Variants in SPOCK3 observed in about 807,000 individuals in gnomAD.
SPOCK3 encodes the protein SPARC (osteonectin), cwcv and kazal like domains proteoglycan 3, also known as testican-3.
SPOCK3 carries 30 observed loss-of-function variants against 56.6 expected under a neutral mutation model. The ratio of observed to expected loss-of-function variants is 0.53; its 90% confidence interval spans 0.40 to 0.72. The LOEUF (loss-of-function observed/expected upper bound fraction) is 0.72, where lower values mean the gene tolerates loss of function less well. Ranked by LOEUF, SPOCK3 falls within the 30% of genes least tolerant of loss-of-function variation. SPOCK3 has a pLI of 0.00. For synonymous variants in SPOCK3, 196 were observed against 183.3 expected, an observed-to-expected ratio of 1.07 and a Z score of -0.56; for missense variants, 527 against 530.0, an observed-to-expected ratio of 0.99 and a Z score of 0.06.
chr4:166,776,399 G>A (rs1739552352), intron 7 of SPOCK3, among the ~76,000 whole-genome samples: 1 of 152,008 alleles, frequency 6.6e-6, no homozygotes, highest in African/African-American at 2.4e-5. Context: ...GTGACAGAGT[G>A]AGACTCCATC....
At chr4:167,084,784 A>C (rs1758036979) in intron 2 of SPOCK3, among the ~76,000 whole-genome samples, 1 of 226 alleles carries the variant, frequency 4.4e-3, no homozygotes, top group African/African-American at 5.7e-3. Context: ...AATAACCATC[A>C]AGAATAATAT....
At chr4:166,742,270 T>TATCTATCTATC (rs1734953048) in intron 8 of SPOCK3, among the ~76,000 whole-genome samples, 1 of 150,662 alleles carries the variant, frequency 6.6e-6, no homozygotes, top group African/African-American at 2.5e-5. Context: ...TCTATCTATC[T>TATCTATCTATC]ATCTATCTAA....
intron 6 of SPOCK3, among the ~76,000 whole-genome samples, chr4:166,811,816 T>C (rs547528448): frequency 6.6e-6 from 1 of 152,072 alleles, no homozygotes; most frequent in East Asian, 1.9e-4. Context: ...CAATCAAATT[T>C]TAGTTTTGAA....
At chr4:166,763,335 C>A (rs963876905) in intron 7 of SPOCK3, among the ~76,000 whole-genome samples, 1 of 151,800 alleles carries the variant, frequency 6.6e-6, no homozygotes, top group African/African-American at 2.4e-5. Context: ...AAAAGAAAGA[C>A]CTTCTAAAAA....
At chr4:166,951,579 T>G (rs1354059167) in intron 4 of SPOCK3, among the ~76,000 whole-genome samples, 4 of 136,004 alleles carry the variant, frequency 2.9e-5, no homozygotes, top group Non-Finnish European at 4.7e-5. Flanking sequence ...CTAACTCATT[T>G]TATGAGGCCA....
At position 166,749,740 on chromosome 4, in the gene SPOCK3, C is replaced by T. The variant is rs142280277; in HGVS notation, c.931+4768G>A. Reference sequence around the variant, plus strand: ...GTTCTATTTCATTTTGAAATTGATCCAATTGATCCCTTTGTTATTCCTGAT... The same window carrying T: ...GTTCTATTTCATTTTGAAATTGATCTAATTGATCCCTTTGTTATTCCTGAT... On this transcript the variant is annotated intron_variant, in intron 8 of 10. Transcript: ENST00000357545. Among the ~76,000 whole-genome samples, 815 of 151,916 alleles carry T rather than the reference C, an allele frequency of 5.4e-3. 32 individuals are homozygous for T. Among genetic ancestry groups the T allele is most frequent in the Non-Finnish European group, 1.2e-3 (79 of 67,934 alleles).
At chr4:166,796,600 G>C (rs908615828) in intron 6 of SPOCK3, among the ~76,000 whole-genome samples, 3 of 152,038 alleles carry the variant, frequency 2.0e-5, no homozygotes, top group Non-Finnish European at 2.9e-5. Flanking sequence ...TATAGGTATT[G>C]GTGATTTAAA....
intron 6 of SPOCK3, among the ~76,000 whole-genome samples, chr4:166,831,372 A>C (rs1437480085): frequency 6.6e-6 from 1 of 152,030 alleles, no homozygotes; most frequent in East Asian, 1.9e-4. Flanking sequence ...TTTTTTCTTA[A>C]ATGTCTGTTA....
intron 7 of SPOCK3, among the ~76,000 whole-genome samples, chr4:166,775,328 C>A (rs1739407866): frequency 6.6e-6 from 1 of 152,130 alleles, no homozygotes; most frequent in Admixed American, 6.6e-5. Flanking sequence ...CCATTTTCAT[C>A]TCTGCTTCTT....
chr4:166,830,039 C>T (rs185337597), intron 6 of SPOCK3, among the ~76,000 whole-genome samples: 1 of 152,190 alleles, frequency 6.6e-6, no homozygotes, highest in East Asian at 1.9e-4. Flanking sequence ...TCTGAACCAG[C>T]AATGTTTCAC....
At chr4:166,739,031 T>G (rs1734548822) in intron 9 of SPOCK3, among the ~76,000 whole-genome samples, 1 of 151,978 alleles carries the variant, frequency 6.6e-6, no homozygotes, top group African/African-American at 2.4e-5. Context: ...TCTAGATCCC[T>G]GAGGAATTGC....
intron 2 of SPOCK3, among the ~76,000 whole-genome samples, chr4:167,076,564 C>T (rs1011743835): frequency 6.6e-6 from 1 of 151,728 alleles, no homozygotes; most frequent in African/African-American, 2.4e-5. Context: ...TTATAATGAA[C>T]TACACACAGT....
At position 167,066,126 on chromosome 4, in the gene SPOCK3, C is replaced by T. The variant is rs188451808; in HGVS notation, c.190-3589G>A. On this transcript the variant is annotated intron_variant, in intron 2 of 10. Coordinates refer to ENST00000357545, the MANE Select transcript of SPOCK3 (RefSeq NM_001040159.2). ...TTATGTGTTTTATTGTTTAAACTGT[C>T]TTTTTCCTTGTGGTTTTAATGTTGC... Among the ~76,000 whole-genome samples, 523 of 151,930 alleles carry T rather than the reference C, an allele frequency of 3.4e-3. 2 individuals carry two copies. The highest frequency in any genetic ancestry group is 3.4e-3 in the Middle Eastern group (1 of 294).
chr4:167,034,777 G>T (rs1752592913), intron 3 of SPOCK3, among the ~76,000 whole-genome samples: 1 of 152,078 alleles, frequency 6.6e-6, no homozygotes, highest in African/African-American at 2.4e-5. Flanking sequence ...TCATTTGAAA[G>T]GACATAGTTA....
At chr4:166,743,411 T>C (rs982762691) in intron 8 of SPOCK3, among the ~76,000 whole-genome samples, 1 of 151,532 alleles carries the variant, frequency 6.6e-6, no homozygotes, top group Non-Finnish European at 1.5e-5. Context: ...TACATTGTAG[T>C]TTAATATGTG....
At chr4:166,948,284 T>C (rs1378895472) in intron 4 of SPOCK3, among the ~76,000 whole-genome samples, 1 of 152,328 alleles carries the variant, frequency 6.6e-6, no homozygotes, top group Admixed American at 6.5e-5. Context: ...ATTGATTCCA[T>C]ATCTTGGCTA....
In SPOCK3 at chr4:166,878,734, C is replaced by T. The variant is rs1180689453; in HGVS notation, c.589+10396G>A. Among the ~76,000 whole-genome samples, 3 of 152,010 alleles carry T rather than the reference C, an allele frequency of 2.0e-5. No individual in the cohort carries two copies. In the East Asian group the frequency reaches 5.8e-4, roughly 29 times the overall value. On this transcript the variant is annotated intron_variant, in intron 6 of 10. Coordinates refer to ENST00000357545, the MANE Select transcript of SPOCK3 (RefSeq NM_001040159.2). ...GTGACCATAACAGAAAGAGAGACTCCAAAGGGCTGGTAAGACACTGTAATT... is the reference window on the plus strand; with the variant it reads ...GTGACCATAACAGAAAGAGAGACTCTAAAGGGCTGGTAAGACACTGTAATT...
chr4:166,903,658 G>T (rs377483072), intron 5 of SPOCK3, among the ~76,000 whole-genome samples: 3,960 of 151,910 alleles, frequency 0.026, 158 homozygotes, highest in African/African-American at 0.08. Context: ...CAGGTGTTTT[G>T]TTTTTTCCTG....
chr4:167,150,735 G>A (rs904598002), intron 2 of SPOCK3, among the ~76,000 whole-genome samples: 3 of 152,122 alleles, frequency 2.0e-5, no homozygotes, highest in African/African-American at 7.2e-5. Context: ...GGCTGCAAGG[G>A]GTTATCTGAT....
Sources: allele counts gnomAD v4.1 joint callset (sites outside exome capture counted in the v4.1 genomes callset), GRCh38; gene constraint gnomAD v4.1.1; transcripts MANE v1.5; gene names NCBI Gene and HGNC (gene_info 2026-07-23, HGNC 2026-07-21).